ZNF195: variants seen among roughly 807,000 people sequenced by gnomAD.
ZNF195 encodes hypoxia-regulated factor-1.
In ZNF195, 11 loss-of-function variants were observed where a neutral mutation model predicts 19.5. The observed-to-expected ratio is 0.57, with a 90% confidence interval of 0.36 to 0.94. The LOEUF is 0.94. Among genes scored for constraint, ZNF195 ranks in the 40% least tolerant of loss-of-function variants. The pLI is 0.01. For synonymous variants in ZNF195, 214 were observed against 248.1 expected (o/e 0.86, Z 1.29); for missense variants, 582 against 709.0 (o/e 0.82, Z 2.03).
At position 3,374,883 on chromosome 11, in the gene ZNF195, G is replaced by T. The variant is rs368681268; in HGVS notation, c.4-3180C>A. On this transcript the variant is annotated intron_variant, in intron 1 of 5. Transcript: ENST00000399602. The stretch of plus-strand genomic sequence containing the variant: ...GACCCACAGGACTGAGAAAGAGCTT[G>T]CTGGATACGATGTCTCTAACAGCGC... 7.2e-4 allele frequency among the ~76,000 whole-genome samples: 109 copies of T among 152,354 alleles called. No homozygotes were observed. The South Asian group carries it at 9.9e-3, about 14-fold the overall frequency.
chr11:3,368,077 A>AAAACAAACAAAC (rs111331503), intron 3 of ZNF195, among the ~76,000 whole-genome samples: 2,890 of 150,934 alleles, frequency 0.019, 139 homozygotes, highest in African/African-American at 0.067. Flanking sequence ...ACTCTATCTC[A>AAAACAAACAAAC]AAACAAACAA....
chr11:3,363,555 AG>A (rs1156968577), intron 3 of ZNF195, among the ~76,000 whole-genome samples: 1 of 152,258 alleles, frequency 6.6e-6, no homozygotes, highest in Non-Finnish European at 1.5e-5. Flanking sequence ...TCTTGTTCAA[AG>A]GTTGAAATAC....
chr11:3,378,024 T>C, intron 1 of ZNF195: 1 of 853,992 alleles, frequency 1.2e-6, no homozygotes, highest in Non-Finnish European at 1.4e-6. Context: ...AAAAGTGCCG[T>C]CCAGGCTGGG....
chr11:3,358,512 G>A lies in ZNF195; in HGVS notation c.*606C>T, dbSNP rs1358296720. ...TCATATCTCTGACGCAGCAACAACT[G>A]ACCATGTGTTTTCACATCAGCACTA... On this transcript the variant is annotated 3_prime_UTR_variant, in exon 6 of 6. Transcript: ENST00000399602. 1 of 152,148 alleles carries A rather than the reference G, an allele frequency of 6.6e-6. No homozygotes were observed. Among genetic ancestry groups the A allele is most frequent in the African/African-American group, 2.4e-5 (1 of 41,424 alleles). The allele number at this position is 152,148 out of a possible 1,614,324, so 9.4% of individuals were successfully genotyped here. A position where few individuals can be genotyped will look rare whatever the true frequency, so the allele number is the denominator to read the frequency against.
intron 4 of ZNF195, among the ~76,000 whole-genome samples, chr11:3,361,449 A>G (rs938057389): frequency 8.5e-5 from 13 of 152,350 alleles, no homozygotes; most frequent in African/African-American, 2.9e-4. Context: ...ATAATGCTCA[A>G]TGAGTAAAAA....
chr11:3,371,440 T>C (rs1849206545), intron 2 of ZNF195, 137 bp downstream of exon 2: 1 of 1,125,128 alleles, frequency 8.9e-7, no homozygotes, highest in East Asian at 2.7e-5. Flanking sequence ...TTACATCAAC[T>C]ATTCCCCATG....
chr11:3,373,743 TACAGAA>T, intron 1 of ZNF195: 4 of 1,006,636 alleles, frequency 4.0e-6, no homozygotes, highest in Non-Finnish European at 5.8e-6. Context: ...GACCAAGAAA[TACAGAA>T]AAAGTCCACG....
Position 3,359,445 on chromosome 11 carries a change from G to A in ZNF195, c.1563C>T (p.Pro521=), listed in dbSNP as rs777315791. The part of the protein sequence containing the change: ...KHKKTHTGEK[P]YKCDECGKNF... ...TTTTTCCACATTCGTCACATTTGTA[G>A]GGCTTCTCTCCAGTATGGGTTTTCT... is the stretch of plus-strand genomic sequence containing the variant. The change falls in exon 6 of 6, where the codon CCC becomes CCT. Residue 521 remains proline, a synonymous_variant. Transcript: ENST00000399602. The surrounding 1 kb of genome is among the most constrained non-coding windows in gnomAD (Gnocchi z 5.5). 1.2e-6 allele frequency: 2 copies of A among 1,613,986 alleles called. No individual in the cohort carries two copies. Among genetic ancestry groups the A allele is most frequent in the Admixed American group, 1.7e-5 (1 of 60,012 alleles).
In ZNF195 at chr11:3,368,125, A is replaced by T. The variant is rs1039837083; in HGVS notation, c.226+2850T>A. ...ATAGTGCTTACTAAATAATTCAGAC[A>T]TAACACATTAATTCTAGCATATTGT... is the stretch of plus-strand genomic sequence containing the variant. On this transcript the variant is annotated intron_variant, in intron 3 of 5. Coordinates refer to ENST00000399602, the MANE Select transcript of ZNF195 (RefSeq NM_001130520.3). Among the ~76,000 whole-genome samples, 16 of 152,232 alleles carry T rather than the reference A, an allele frequency of 1.1e-4. 1 individual carries two copies. The highest frequency in any genetic ancestry group is 3.9e-4 in the African/African-American group (16 of 41,476).
chr11:3,360,727 G>A lies in ZNF195; in HGVS notation c.435C>T (p.Phe145=). ...VKWFLEFRCI[F]SLAMSSHFTQ... ...ATATAAATGTAACAATACCTAGTGA[G>A]AAGATGCATCTGAACTCTAAAAACC... The change falls in exon 5 of 6, where the codon TTC becomes TTT. Residue 145 remains phenylalanine, a synonymous_variant. Coordinates refer to ENST00000399602, the MANE Select transcript of ZNF195 (RefSeq NM_001130520.3). The A allele has an allele frequency of 6.4e-7, 1 of 1,551,576 alleles. No individual in the cohort carries two copies. Among genetic ancestry groups the A allele is most frequent in the Non-Finnish European group, 8.7e-7 (1 of 1,146,980 alleles).
At chr11:3,378,670 A>G (rs549636549) in intron 1 of ZNF195, among the ~76,000 whole-genome samples, 91 of 152,324 alleles carry the variant, frequency 6.0e-4, no homozygotes, top group African/African-American at 1.9e-3. Flanking sequence ...TCTTTGCTCA[A>G]ATAAAACTCT....
chr11:3,373,722 A>C, intron 1 of ZNF195: 3 of 1,204,166 alleles, frequency 2.5e-6, no homozygotes, highest in Non-Finnish European at 3.5e-6. Context: ...CACCACAACC[A>C]TCAACAGAAA....
intron 2 of ZNF195, 116 bp downstream of exon 2, chr11:3,371,461 A>T: frequency 7.3e-7 from 1 of 1,367,218 alleles, no homozygotes; most frequent in Non-Finnish European, 1.0e-6. Flanking sequence ...TTTTTCTTAA[A>T]AGCAGGGATC....
intron 2 of ZNF195, 125 bp from the exon 3 acceptor site, chr11:3,371,195 TGAC>T (rs1849192482): frequency 1.1e-6 from 1 of 872,606 alleles, no homozygotes. Flanking sequence ...TTATGCTTCC[TGAC>T]ATCACCTTTA....
At chr11:3,366,048 G>C (rs1455686443) in intron 3 of ZNF195, among the ~76,000 whole-genome samples, 3 of 151,788 alleles carry the variant, frequency 2.0e-5, no homozygotes, top group Non-Finnish European at 2.9e-5. Flanking sequence ...ACGAGGTCAG[G>C]AGATCGAGAC....
intron 1 of ZNF195, among the ~76,000 whole-genome samples, chr11:3,376,603 TGAAA>T (rs1162972697): frequency 1.3e-5 from 2 of 152,214 alleles, no homozygotes; most frequent in Non-Finnish European, 2.9e-5. Context: ...ACAAAATCAC[TGAAA>T]CAGTTTACAG....
chr11:3,373,916 C>G (rs1183015300), intron 1 of ZNF195, among the ~76,000 whole-genome samples: 1 of 152,246 alleles, frequency 6.6e-6, no homozygotes. Flanking sequence ...GAGCTGGCCT[C>G]TGAAACCTAG....
chr11:3,372,864 T>C (rs1849285528), intron 1 of ZNF195, among the ~76,000 whole-genome samples: 1 of 152,224 alleles, frequency 6.6e-6, no homozygotes, highest in African/African-American at 2.4e-5. Flanking sequence ...CCGGAGTAGA[T>C]GGAACTACCC....
chr11:3,361,629 G>GT, intron 4 of ZNF195, 114 bp downstream of exon 4: 1 of 676,122 alleles, frequency 1.5e-6, no homozygotes, highest in Non-Finnish European at 2.1e-6. Context: ...ACATCAACTA[G>GT]TATAAACAAA....
Sources: allele counts gnomAD v4.1 joint callset (sites outside exome capture counted in the v4.1 genomes callset), GRCh38; gene constraint gnomAD v4.1.1; non-coding constraint Gnocchi (gnomAD v3.1); transcripts MANE v1.5; gene names NCBI Gene and HGNC (gene_info 2026-07-23, HGNC 2026-07-21).